L3MBTL4: variants seen among roughly 807,000 people sequenced by gnomAD.
L3MBTL4 encodes L3MBTL histone methyl-lysine binding protein 4, also known as lethal(3)malignant brain tumor-like protein 4.
L3MBTL4 carries 70 observed loss-of-function variants against 84.5 expected under a neutral mutation model. The ratio of observed to expected loss-of-function variants is 0.83; its 90% CI spans 0.68 to 1.01. The LOEUF (loss-of-function observed/expected upper bound fraction) is 1.01. L3MBTL4 is among the 50% of genes least tolerant of loss of function. The pLI is 0.00. For synonymous variants in L3MBTL4, 274 were observed against 259.8 expected, an observed-to-expected ratio of 1.05 and a Z score of -0.52; for missense variants, 715 against 754.8, an observed-to-expected ratio of 0.95 and a Z score of 0.62.
At chr18:6,343,736 C>G (rs1376129519) in intron 1 of L3MBTL4, among the ~76,000 whole-genome samples, 1 of 149,208 alleles carries the variant, frequency 6.7e-6, no homozygotes, top group African/African-American at 2.5e-5. Flanking sequence ...AACTAAAAAT[C>G]AATAACAAGA....
intron 14 of L3MBTL4, among the ~76,000 whole-genome samples, chr18:6,131,012 C>A (rs1015647683): frequency 9.9e-5 from 15 of 152,128 alleles, no homozygotes; most frequent in African/African-American, 3.4e-4. Context: ...AAAAAGGACA[C>A]CCAGGGTCCA....
At chr18:6,062,036 G>A (rs1014704870) in intron 16 of L3MBTL4, among the ~76,000 whole-genome samples, 2 of 151,858 alleles carry the variant, frequency 1.3e-5, no homozygotes, top group African/African-American at 4.8e-5. Flanking sequence ...ACTATAAAAA[G>A]TAAAATATTT....
At chr18:6,287,266 A>C (rs1449072373) in intron 4 of L3MBTL4, among the ~76,000 whole-genome samples, 1 of 152,202 alleles carries the variant, frequency 6.6e-6, no homozygotes, top group Non-Finnish European at 1.5e-5. Flanking sequence ...TTTAAACTAA[A>C]AGACCACAGC....
intron 16 of L3MBTL4, among the ~76,000 whole-genome samples, chr18:5,999,520 T>C (rs536138395): frequency 6.6e-6 from 1 of 152,352 alleles, no homozygotes; most frequent in Admixed American, 6.5e-5. Context: ...GAAAAGAACA[T>C]GTTTTTCTAT....
At chr18:6,090,591 TATAC>T (rs1169746593) in intron 15 of L3MBTL4, among the ~76,000 whole-genome samples, 33 of 128,352 alleles carry the variant, frequency 2.6e-4, no homozygotes, top group South Asian at 6.7e-4. Flanking sequence ...ATATTATATA[TATAC>T]ACACACACAC....
intron 14 of L3MBTL4, among the ~76,000 whole-genome samples, chr18:6,118,367 A>C (rs530111279): frequency 1.3e-5 from 2 of 152,154 alleles, no homozygotes; most frequent in South Asian, 4.2e-4. Flanking sequence ...AAATTCCTCA[A>C]CTGGATCCAG....
chr18:6,070,201 A>G (rs1339504106), intron 16 of L3MBTL4, among the ~76,000 whole-genome samples: 1 of 152,216 alleles, frequency 6.6e-6, no homozygotes, highest in East Asian at 1.9e-4. Flanking sequence ...CACAGATTTA[A>G]GCACTATGAA....
At chr18:6,244,820 G>T (rs941497067) in intron 5 of L3MBTL4, among the ~76,000 whole-genome samples, 1 of 152,180 alleles carries the variant, frequency 6.6e-6, no homozygotes, top group Admixed American at 6.5e-5. Flanking sequence ...GGTGATGGAT[G>T]TGTGAGTATG....
chr18:5,985,349 ATCTC>A (rs900146738), intron 16 of L3MBTL4, among the ~76,000 whole-genome samples: 4 of 152,038 alleles, frequency 2.6e-5, no homozygotes, highest in Admixed American at 2.6e-4. Flanking sequence ...TGGGGCAAAA[ATCTC>A]TGCTTGTTCT....
At chr18:6,015,843 C>G (rs575524505) in intron 16 of L3MBTL4, among the ~76,000 whole-genome samples, 55 of 152,240 alleles carry the variant, frequency 3.6e-4, no homozygotes, top group Admixed American at 3.6e-3. Flanking sequence ...ACCTGTAGTC[C>G]CAGCTACTCA....
chr18:6,399,624 T>C (rs2055429615), intron 1 of L3MBTL4: 1 of 152,212 alleles, frequency 6.6e-6, no homozygotes, highest in Non-Finnish European at 1.5e-5. Context: ...TCCCAAAAGC[T>C]ACCAAATGCC....
intron 1 of L3MBTL4, among the ~76,000 whole-genome samples, chr18:6,377,987 T>C (rs533673317): frequency 6.6e-6 from 1 of 152,310 alleles, no homozygotes; most frequent in Admixed American, 6.5e-5. Flanking sequence ...ACCTGTTGTT[T>C]CCTGACTTTT....
chr18:6,040,998 C>T (rs2212524), intron 16 of L3MBTL4, among the ~76,000 whole-genome samples: 34,470 of 152,142 alleles, frequency 0.23, 5,033 homozygotes, highest in African/African-American at 0.41. Flanking sequence ...GTGATCTGTT[C>T]AGAAAATGTG....
intron 1 of L3MBTL4, among the ~76,000 whole-genome samples, chr18:6,377,221 C>A (rs992866492): frequency 1.3e-5 from 2 of 152,062 alleles, no homozygotes; most frequent in African/African-American, 4.8e-5. Flanking sequence ...TCATCTCGTT[C>A]GAAAGTTAAG....
intron 4 of L3MBTL4, among the ~76,000 whole-genome samples, chr18:6,291,986 CCAA>C (rs146271655): frequency 0.19 from 28,657 of 151,976 alleles, 2,814 homozygotes; most frequent in African/African-American, 0.24. Context: ...CAATTCAACA[CCAA>C]CACCACTAAC....
chr18:6,339,288 C>T (rs1047477750), intron 1 of L3MBTL4, among the ~76,000 whole-genome samples: 1 of 152,178 alleles, frequency 6.6e-6, no homozygotes, highest in East Asian at 1.9e-4. Flanking sequence ...TAATTATAGT[C>T]ACTCAAAAAA....
At chr18:6,377,796 T>C (rs569616342) in intron 1 of L3MBTL4, among the ~76,000 whole-genome samples, 1 of 152,304 alleles carries the variant, frequency 6.6e-6, no homozygotes, top group Non-Finnish European at 1.5e-5. Flanking sequence ...TGTGCATGCG[T>C]CTTTAGAGTA....
chr18:6,165,328 G>A (rs985535741), intron 13 of L3MBTL4, among the ~76,000 whole-genome samples: 6 of 152,084 alleles, frequency 3.9e-5, no homozygotes, highest in Non-Finnish European at 8.8e-5. Flanking sequence ...GAAATACAGA[G>A]AATGCCACAA....
chr18:5,995,519 G>T (rs752703153), intron 16 of L3MBTL4, among the ~76,000 whole-genome samples: 1 of 152,218 alleles, frequency 6.6e-6, no homozygotes, highest in South Asian at 2.1e-4. Context: ...TCGTGAAGGA[G>T]ATGCTTTCAA....
Sources: allele counts gnomAD v4.1 joint callset (sites outside exome capture counted in the v4.1 genomes callset), GRCh38; gene constraint gnomAD v4.1.1; transcripts MANE v1.5; gene names NCBI Gene and HGNC (gene_info 2026-07-23, HGNC 2026-07-21).